The following LARP4B variants were observed in gnomAD, a reference collection of about 807,000 sequenced individuals.
The protein encoded by LARP4B is La ribonucleoprotein 4B, also known as la-related protein 4B.
LARP4B carries 12 observed loss-of-function variants against 89.8 expected under a neutral mutation model. The ratio of observed to expected loss-of-function variants is 0.13; its 90% CI spans 0.09 to 0.22. The LOEUF is 0.22. LARP4B is among the 10% of genes least tolerant of loss of function. The pLI is 1.00. For synonymous variants in LARP4B, 367 were observed against 363.3 expected, an observed-to-expected ratio of 1.01 and a Z score of -0.12; for missense variants, 757 against 947.7, an observed-to-expected ratio of 0.80 and a Z score of 2.64.
chr10:951,100 C>T, the LARP4B span, among the ~76,000 whole-genome samples: 1 of 151,894 alleles, frequency 6.6e-6, no homozygotes, highest in South Asian at 2.1e-4. Context: ...CTGCTAGCAC[C>T]ATGTTGAATA....
chr10:974,668 C>G, the LARP4B span, among the ~76,000 whole-genome samples: 3 of 152,206 alleles, frequency 2.0e-5, no homozygotes, highest in African/African-American at 7.2e-5. Context: ...GCCACTGGTC[C>G]GAGCTCCCTC....
intron 11 of LARP4B, among the ~76,000 whole-genome samples, chr10:826,831 A>G (rs1489204844): frequency 6.6e-6 from 1 of 152,254 alleles, no homozygotes; most frequent in Non-Finnish European, 1.5e-5. Context: ...AAAAGCAAGT[A>G]ATTCTCCTTA....
At position 839,318 on chromosome 10, in the gene LARP4B, C is replaced by T. The variant is rs938789365; in HGVS notation, c.647-2812G>A. Among the ~76,000 whole-genome samples the T allele has an allele frequency of 2.0e-5, 3 of 152,104 alleles. 1 individual carries two copies. The highest frequency in any genetic ancestry group is 3.9e-4 in the East Asian group (2 of 5,190). ...AATTATAACAAATGTTCCTCTGCTG[C>T]GGAATGTTCATATGGGAAGAGGCCA... On this transcript the variant is annotated intron_variant, in intron 7 of 17. Coordinates refer to ENST00000316157, the MANE Select transcript of LARP4B (RefSeq NM_015155.3).
intron 1 of LARP4B, among the ~76,000 whole-genome samples, chr10:907,025 C>T (rs140213797): frequency 6.6e-6 from 1 of 152,292 alleles, no homozygotes; most frequent in African/African-American, 2.4e-5. Context: ...TGAAAAGAAC[C>T]ACAGCTACTG....
chr10:812,861 G>T lies in LARP4B; in HGVS notation c.*65C>A. Reference sequence around the variant, plus strand: ...CTAACCAGCGGCTCGCCCTCGCACTGAGTGGGAGAGTGTCTCGTTTGTGGT... The same window carrying T: ...CTAACCAGCGGCTCGCCCTCGCACTTAGTGGGAGAGTGTCTCGTTTGTGGT... On this transcript the variant is annotated 3_prime_UTR_variant, in exon 18 of 18. Transcript: ENST00000316157. 2 of 1,447,370 alleles carry T rather than the reference G, an allele frequency of 1.4e-6. No homozygotes were observed. Among genetic ancestry groups the T allele is most frequent in the South Asian group, 1.5e-5 (1 of 68,372 alleles). 89.7% of individuals were successfully genotyped at this position (1,447,370 alleles called of 1,614,324 possible).
chr10:895,381 A>T (rs2131968720), intron 1 of LARP4B, among the ~76,000 whole-genome samples: 1 of 152,004 alleles, frequency 6.6e-6, no homozygotes, highest in South Asian at 2.1e-4. Flanking sequence ...CAATGTTCAC[A>T]GCAGCTTAGA....
chr10:927,988 G>C (rs927091963), intron 1 of LARP4B, among the ~76,000 whole-genome samples: 13 of 151,764 alleles, frequency 8.6e-5, no homozygotes, highest in Non-Finnish European at 1.8e-4. Flanking sequence ...CGAGGCGGGC[G>C]AATCACCTGC....
chr10:815,189 A>G lies in LARP4B; in HGVS notation c.1696-119T>C, dbSNP rs1831969678. ...GAGAGCAGCACAAGGACATAGGGGAAGAGGGTCTTCTCCAGCAAAAATGTC... is the reference window on the plus strand; with the variant it reads ...GAGAGCAGCACAAGGACATAGGGGAGGAGGGTCTTCTCCAGCAAAAATGTC... On this transcript the variant is annotated intron_variant, in intron 15 of 17. Transcript: ENST00000316157. 3 of 1,238,178 alleles carry G rather than the reference A, an allele frequency of 2.4e-6. No homozygotes were observed. In the African/African-American group the frequency reaches 4.5e-5, roughly 19 times the overall value. 76.7% of individuals were successfully genotyped at this position (1,238,178 alleles called of 1,614,324 possible).
At chr10:950,745 G>C in the LARP4B span, among the ~76,000 whole-genome samples, 3 of 151,978 alleles carry the variant, frequency 2.0e-5, no homozygotes, top group African/African-American at 7.2e-5. Flanking sequence ...ATTTTTTTGA[G>C]TGACTGTAAA....
At chr10:978,649 A>C in the LARP4B span, among the ~76,000 whole-genome samples, 3 of 152,210 alleles carry the variant, frequency 2.0e-5, no homozygotes, top group Non-Finnish European at 4.4e-5. Context: ...TGAAAGTAGG[A>C]CCTAGAACTC....
chr10:864,406 G>T, intron 3 of LARP4B, 136 bp from the exon 4 acceptor site: 89 of 528,910 alleles, frequency 1.7e-4, no homozygotes, highest in East Asian at 2.6e-4. Context: ...CCTTTGGAAT[G>T]AAATCAGGTT....
Position 864,911 on chromosome 10 carries a change from C to T in LARP4B, c.142-641G>A, listed in dbSNP as rs553481263. Reference sequence around the variant, plus strand: ...GGGGTTGCAGTAAGCTGAGATCGCACCACTGCACCCAACCTGGGGGACAGA... The same window carrying T: ...GGGGTTGCAGTAAGCTGAGATCGCATCACTGCACCCAACCTGGGGGACAGA... On this transcript the variant is annotated intron_variant, in intron 3 of 17. Transcript: ENST00000316157. Among the ~76,000 whole-genome samples, 5 of 152,266 alleles carry T rather than the reference C, an allele frequency of 3.3e-5. No individual in the cohort carries two copies. In the East Asian group the frequency reaches 7.7e-4, roughly 24 times the overall value.
chr10:940,259 C>T, the LARP4B span, among the ~76,000 whole-genome samples: 4 of 152,194 alleles, frequency 2.6e-5, no homozygotes, highest in South Asian at 2.1e-4. Flanking sequence ...TCAGGTAATC[C>T]GCCTGCCTTG....
intron 3 of LARP4B, among the ~76,000 whole-genome samples, chr10:878,031 A>C (rs1487284290): frequency 6.6e-6 from 1 of 152,206 alleles, no homozygotes; most frequent in Non-Finnish European, 1.5e-5. Flanking sequence ...ATAAGCCTCA[A>C]AGACTTCTGG....
At chr10:909,138 C>A (rs1253007452) in intron 1 of LARP4B, among the ~76,000 whole-genome samples, 1 of 151,860 alleles carries the variant, frequency 6.6e-6, no homozygotes, top group African/African-American at 2.4e-5. Flanking sequence ...ACTAACAATA[C>A]AAAAAATTAG....
rs1832593284 is a variant in LARP4B at position 825,850 on chromosome 10, A to G, written c.1146T>C (p.Thr382=). The G allele has an allele frequency of 1.9e-6, 3 of 1,611,084 alleles. No individual in the cohort carries two copies. The highest frequency in any genetic ancestry group is 2.5e-6 in the Non-Finnish European group (3 of 1,177,924). Residue 382 remains threonine (T), a synonymous_variant, in exon 12 of 18, where the codon ACT becomes ACC. Coordinates refer to ENST00000316157, the MANE Select transcript of LARP4B (RefSeq NM_015155.3). ...GAGACGTAAACCCATTTATAAATCC[A>G]GTATTTGGAAATGGAGTTACCTAGA... ...DPPLVTPFPN[T]GFINGFTSPA...
rs145425404 is a variant in LARP4B at position 814,429 on chromosome 10, G to A, written c.1929+313C>T. ...CGCACGCAAACATACACACACGCGC[G>A]AAATGCTGAAATGATCCTAAAGTCT... is the stretch of plus-strand genomic sequence containing the variant. On this transcript the variant is annotated intron_variant, in intron 17 of 17. Coordinates refer to ENST00000316157, the MANE Select transcript of LARP4B (RefSeq NM_015155.3). The surrounding 1 kb of genome is among the most constrained non-coding windows in gnomAD (Gnocchi z 4.4). 39 of 420,990 alleles carry A rather than the reference G, an allele frequency of 9.3e-5. No individual in the cohort carries two copies. The highest frequency in any genetic ancestry group is 6.4e-4 in the African/African-American group (31 of 48,744). The allele number at this position is 420,990 out of a possible 1,614,324, so 26.1% of individuals were successfully genotyped here. A position where few individuals can be genotyped will look rare whatever the true frequency, so the allele number is the denominator to read the frequency against.
intron 1 of LARP4B, among the ~76,000 whole-genome samples, chr10:915,707 G>A (rs558211687): frequency 1.3e-5 from 2 of 149,408 alleles, no homozygotes; most frequent in South Asian, 2.1e-4. Context: ...AGGAGGCTGA[G>A]GCAAGAGAAT....
At chr10:839,066 TAC>T (rs148631214) in intron 7 of LARP4B, among the ~76,000 whole-genome samples, 2,538 of 152,258 alleles carry the variant, frequency 0.017, 84 homozygotes, top group African/African-American at 0.056. Context: ...AAGGCAAAAC[TAC>T]AGAGGCAGTA....
Sources: gnomAD v4.1 joint callset for allele counts (sites outside exome capture counted in the v4.1 genomes callset) on GRCh38, gnomAD v4.1.1 for gene constraint, Gnocchi (gnomAD v3.1) non-coding constraint, MANE v1.5 for transcripts, NCBI Gene and HGNC (gene_info 2026-07-23, HGNC 2026-07-21) for gene names.